Variants in PARD3B observed in about 807,000 individuals in gnomAD.
PARD3B encodes partitioning defective 3 homolog B.
Under a neutral mutation model 130.2 loss-of-function variants are expected in PARD3B, and 103 were observed. The observed-to-expected ratio is 0.79, with a 90% CI of 0.67 to 0.93. PARD3B has a LOEUF of 0.93. PARD3B is among the 40% of genes least tolerant of loss of function. The pLI, the probability that PARD3B is intolerant of heterozygous loss-of-function variation, is 0.00. For synonymous variants in PARD3B, 583 were observed against 553.2 expected (o/e 1.05, Z -0.76); for missense variants, 1,609 against 1,499.2 (o/e 1.07, Z -1.21).
intron 2 of PARD3B, among the ~76,000 whole-genome samples, chr2:204,874,405 C>A (rs1478046546): frequency 6.6e-6 from 1 of 152,040 alleles, no homozygotes; most frequent in Non-Finnish European, 1.5e-5. Flanking sequence ...AGTTTTGGTG[C>A]TTAAAATGGG....
At chr2:205,025,923 C>T (rs763432047) in intron 3 of PARD3B, among the ~76,000 whole-genome samples, 3 of 152,184 alleles carry the variant, frequency 2.0e-5, no homozygotes, top group Non-Finnish European at 4.4e-5. Context: ...TGCATTTCTG[C>T]ATGCTTGCTT....
intron 16 of PARD3B, among the ~76,000 whole-genome samples, chr2:205,266,403 T>C (rs188388872): frequency 6.6e-6 from 1 of 152,290 alleles, no homozygotes; most frequent in Admixed American, 6.5e-5. Flanking sequence ...TCTAAGCTCC[T>C]AACTCCATGC....
chr2:205,157,477 C>A (rs849124), intron 10 of PARD3B, among the ~76,000 whole-genome samples: 115,613 of 152,042 alleles, frequency 0.76, 44,267 homozygotes, highest in African/African-American at 0.81. Context: ...TAAAAGTTAG[C>A]TGTGGATTTT....
chr2:205,135,013 T>C (rs1220462396), intron 10 of PARD3B, among the ~76,000 whole-genome samples: 1 of 152,210 alleles, frequency 6.6e-6, no homozygotes, highest in Non-Finnish European at 1.5e-5. Flanking sequence ...TGAAGAGCTA[T>C]GAGATTTGGC....
At chr2:205,033,011 C>T (rs544947748) in intron 3 of PARD3B, among the ~76,000 whole-genome samples, 4 of 152,280 alleles carry the variant, frequency 2.6e-5, no homozygotes, top group Admixed American at 2.6e-4. Context: ...AGGCATTGCT[C>T]ATTTCTCCCT....
chr2:205,476,402 C>T (rs2049023784), intron 20 of PARD3B, among the ~76,000 whole-genome samples: 1 of 152,074 alleles, frequency 6.6e-6, no homozygotes, highest in Admixed American at 6.5e-5. Context: ...AAGTAGGCTT[C>T]TCACTCCATT....
chr2:205,191,237 C>G (rs1214949697), intron 14 of PARD3B, among the ~76,000 whole-genome samples: 1 of 152,142 alleles, frequency 6.6e-6, no homozygotes, highest in Non-Finnish European at 1.5e-5. Context: ...CTTAATAGCT[C>G]AGGTTGATCA....
At position 205,589,277 on chromosome 2, in the gene PARD3B, C is replaced by T. The variant is rs576206636; in HGVS notation, c.3261-26179C>T. ...CTGCCCTGCAGCCTGGGTGGTGAAG[C>T]GAGACCCTGTCTCAATCAATCAATC... On this transcript the variant is annotated intron_variant, in intron 22 of 22. Coordinates refer to ENST00000406610, the MANE Select transcript of PARD3B (RefSeq NM_001302769.2). This position sits in a 1 kb window ranked among gnomAD's most constrained non-coding sequence, Gnocchi z 4.1. 8.5e-5 allele frequency among the ~76,000 whole-genome samples: 13 copies of T among 152,230 alleles called. No individual in the cohort carries two copies. Among genetic ancestry groups the T allele is most frequent in the African/African-American group, 2.2e-4 (9 of 41,544 alleles).
intron 3 of PARD3B, among the ~76,000 whole-genome samples, chr2:204,995,410 C>T (rs2125255031): frequency 6.8e-6 from 1 of 147,212 alleles, no homozygotes; most frequent in South Asian, 2.3e-4. Context: ...ATATTGGCCC[C>T]CACTCTCTTC....
chr2:205,442,393 G>C (rs754333131), intron 20 of PARD3B, among the ~76,000 whole-genome samples: 6 of 143,408 alleles, frequency 4.2e-5, no homozygotes, highest in Non-Finnish European at 8.9e-5. Context: ...CTGCCTCCTA[G>C]TTTTGAGCGT....
intron 14 of PARD3B, among the ~76,000 whole-genome samples, chr2:205,192,517 A>G (rs1262081954): frequency 6.6e-6 from 1 of 152,218 alleles, no homozygotes; most frequent in African/African-American, 2.4e-5. Flanking sequence ...AATACCCTCT[A>G]TCCTCAAGCA....
chr2:205,549,052 C>G (rs2052502666), intron 21 of PARD3B, among the ~76,000 whole-genome samples: 1 of 152,062 alleles, frequency 6.6e-6, no homozygotes, highest in African/African-American at 2.4e-5. Flanking sequence ...AAGGAAATGG[C>G]AAAACAGCAA....
chr2:204,763,035 C>G (rs1199371893), intron 2 of PARD3B, among the ~76,000 whole-genome samples: 2 of 152,200 alleles, frequency 1.3e-5, no homozygotes, highest in African/African-American at 4.8e-5. Context: ...GCTGGGATTA[C>G]ATGCGTGAGC....
intron 20 of PARD3B, among the ~76,000 whole-genome samples, chr2:205,457,087 G>C (rs1417404751): frequency 2.0e-5 from 3 of 151,654 alleles, no homozygotes; most frequent in Non-Finnish European, 4.4e-5. Context: ...TTAAACATTT[G>C]TTAGAATTTT....
chr2:204,964,953 G>C (rs1176258590), intron 2 of PARD3B, among the ~76,000 whole-genome samples, 199 bp from the exon 3 acceptor site: 1 of 151,992 alleles, frequency 6.6e-6, no homozygotes, highest in Non-Finnish European at 1.5e-5. Context: ...GAATAAACCA[G>C]TATTTATTAT....
rs530555949 is a variant in PARD3B, at chr2:204,737,482, C to G, written c.222+51200C>G. On this transcript the variant is annotated intron_variant, in intron 2 of 22. Transcript: ENST00000406610. ...TTCCTTGTAAATTCTGGATACTAGT[C>G]CTTAGTCAGATGTGAACTTTGCAAA... Among the ~76,000 whole-genome samples, 6 of 152,230 alleles carry G rather than the reference C, an allele frequency of 3.9e-5. No individual in the cohort carries two copies. In the South Asian group the frequency reaches 1.2e-3, roughly 32 times the overall value.
intron 2 of PARD3B, among the ~76,000 whole-genome samples, chr2:204,774,009 C>T (rs956266891): frequency 6.6e-6 from 1 of 151,970 alleles, no homozygotes; most frequent in Non-Finnish European, 1.5e-5. Flanking sequence ...ATATTAGCTT[C>T]AGTGCTGTGC....
At chr2:205,066,149 G>A (rs147797958) in intron 4 of PARD3B, among the ~76,000 whole-genome samples, 174 of 152,236 alleles carry the variant, frequency 1.1e-3, no homozygotes, top group African/African-American at 4.0e-3. Context: ...AACAGATAAA[G>A]TTTCCCCCGA....
intron 16 of PARD3B, among the ~76,000 whole-genome samples, chr2:205,272,532 T>C (rs746643212): frequency 6.6e-6 from 1 of 152,156 alleles, no homozygotes; most frequent in Non-Finnish European, 1.5e-5. Context: ...TAACAGTGGC[T>C]TAACTAAAAA....
Sources: gnomAD v4.1 joint callset for allele counts (sites outside exome capture counted in the v4.1 genomes callset) on GRCh38, gnomAD v4.1.1 for gene constraint, Gnocchi (gnomAD v3.1) non-coding constraint, MANE v1.5 for transcripts, NCBI Gene and HGNC (gene_info 2026-07-23, HGNC 2026-07-21) for gene names.